SLC37A3: variants seen among roughly 807,000 people sequenced by gnomAD.
SLC37A3 encodes sugar phosphate exchanger 3.
SLC37A3 carries 51 observed loss-of-function variants against 67.1 expected under a neutral mutation model. The observed-to-expected ratio is 0.76, with a 90% CI of 0.61 to 0.96. SLC37A3 has a LOEUF of 0.96. Among genes scored for constraint, SLC37A3 ranks in the 40% least tolerant of loss-of-function variants. The probability of loss-of-function intolerance (pLI) is 0.00; values close to 1 mark genes in which losing one functional copy is unlikely to be tolerated. For synonymous variants in SLC37A3, 214 were observed against 231.4 expected, an observed-to-expected ratio of 0.92 and a Z score of 0.68; for missense variants, 508 against 603.0, an observed-to-expected ratio of 0.84 and a Z score of 1.65.
intron 7 of SLC37A3, among the ~76,000 whole-genome samples, chr7:140,354,083 AG>A (rs1272313051): frequency 4.6e-5 from 7 of 152,216 alleles, no homozygotes; most frequent in Non-Finnish European, 8.8e-5. Context: ...TCGACTTCAC[AG>A]GTGCACAGCA....
intron 1 of SLC37A3, among the ~76,000 whole-genome samples, chr7:140,387,736 C>CTATATATTATATAAATATAAATATATTA (rs1798527630): frequency 5.3e-4 from 1 of 1,876 alleles, no homozygotes; most frequent in Admixed American, 9.4e-3. Context: ...TATAAATATA[C>CTATATATTATATAAATATAAATATATTA]TATATATTAT....
chr7:140,394,100 G>A (rs1363322729), intron 1 of SLC37A3, among the ~76,000 whole-genome samples: 2 of 152,138 alleles, frequency 1.3e-5, no homozygotes, highest in Non-Finnish European at 2.9e-5. Flanking sequence ...GAACCCGGTA[G>A]GTGGAGACTG....
At chr7:140,342,751 G>A (rs1161423190) in intron 13 of SLC37A3, among the ~76,000 whole-genome samples, 1 of 151,180 alleles carries the variant, frequency 6.6e-6, no homozygotes, top group African/African-American at 2.5e-5. Flanking sequence ...TCAAACATCT[G>A]AGTGTGGAAG....
At chr7:140,391,816 G>A (rs1270293936) in intron 1 of SLC37A3, among the ~76,000 whole-genome samples, 6 of 152,090 alleles carry the variant, frequency 3.9e-5, no homozygotes, top group African/African-American at 1.4e-4. Context: ...TTAGCTCAAT[G>A]CAACCTTATT....
chr7:140,394,224 C>T (rs1216280694), intron 1 of SLC37A3, among the ~76,000 whole-genome samples: 1 of 151,822 alleles, frequency 6.6e-6, no homozygotes, highest in Non-Finnish European at 1.5e-5. Context: ...CAGCAGAACA[C>T]TGAATGCTTA....
At chr7:140,386,082 CTTATTTATTTAT>C (rs537844890) in intron 1 of SLC37A3, among the ~76,000 whole-genome samples, 1 of 151,710 alleles carries the variant, frequency 6.6e-6, no homozygotes, top group African/African-American at 2.4e-5. Context: ...CATGCCTGGC[CTTATTTATTTAT>C]TTATTTATTT....
intron 1 of SLC37A3, among the ~76,000 whole-genome samples, chr7:140,392,157 C>T (rs1246154938): frequency 6.6e-6 from 1 of 152,078 alleles, no homozygotes; most frequent in Non-Finnish European, 1.5e-5. Flanking sequence ...AGCATCTAAG[C>T]AGGAAGATAA....
chr7:140,360,445 A>G (rs768505354), intron 5 of SLC37A3, among the ~76,000 whole-genome samples: 3 of 152,154 alleles, frequency 2.0e-5, no homozygotes, highest in Non-Finnish European at 4.4e-5. Context: ...GATTAGTCAG[A>G]TATGGAGGCT....
intron 1 of SLC37A3, among the ~76,000 whole-genome samples, chr7:140,397,526 G>A (rs1467649309): frequency 2.0e-5 from 3 of 152,074 alleles, no homozygotes; most frequent in Non-Finnish European, 4.4e-5. Flanking sequence ...TTAATTAAAT[G>A]AGATAATTTA....
rs768876759 is a variant in SLC37A3 at position 140,355,762 on chromosome 7, C to A, written c.524G>T (p.Arg175Leu). The A allele has an allele frequency of 1.1e-5, 17 of 1,613,562 alleles. No homozygotes were observed. The highest frequency in any genetic ancestry group is 5.1e-6 in the Non-Finnish European group (6 of 1,179,748). Residue 175 changes from arginine (R) to leucine (L), a missense_variant and splice_region_variant, in exon 7 of 15, where the codon CGA (arginine) becomes CTA (leucine). By Grantham distance (102) the Arg-to-Leu change is moderately radical (BLOSUM62 -2). Coordinates refer to ENST00000326232, the MANE Select transcript of SLC37A3 (RefSeq NM_207113.3). ...VMGNWFGKAGRGVVFGLWSAC... is the reference protein window; with the variant it reads ...VMGNWFGKAGLGVVFGLWSAC... ...ACTCCAGAGACCAAAAACAACTCCT[C>A]GTCTAAGATGGAAAACAGTGGGAGA... is the stretch of plus-strand genomic sequence containing the variant.
At chr7:140,366,068 G>A (rs1471267911) in intron 4 of SLC37A3, among the ~76,000 whole-genome samples, 1 of 151,624 alleles carries the variant, frequency 6.6e-6, no homozygotes, top group Non-Finnish European at 1.5e-5. Context: ...CTCCCGAGTA[G>A]CTGGGACTAC....
chr7:140,375,821 A>G (rs1798010284), intron 3 of SLC37A3, among the ~76,000 whole-genome samples: 1 of 152,244 alleles, frequency 6.6e-6, no homozygotes, highest in Non-Finnish European at 1.5e-5. Context: ...GATGCATTCT[A>G]TCGAAGATGA....
chr7:140,398,320 C>T (rs925710587), intron 1 of SLC37A3, 96 bp downstream of exon 1: 69 of 152,400 alleles, frequency 4.5e-4, no homozygotes, highest in African/African-American at 1.6e-3. Context: ...CCGCCACCTA[C>T]ATCTCCCCAC....
intron 6 of SLC37A3, among the ~76,000 whole-genome samples, chr7:140,358,218 C>T (rs1304382558): frequency 6.6e-6 from 1 of 152,114 alleles, no homozygotes; most frequent in Non-Finnish European, 1.5e-5. Context: ...CATGAATAAC[C>T]TTTGACCTTA....
intron 4 of SLC37A3, among the ~76,000 whole-genome samples, chr7:140,366,420 A>T (rs1283342838): frequency 6.6e-6 from 1 of 152,022 alleles, no homozygotes; most frequent in Non-Finnish European, 1.5e-5. Flanking sequence ...GAATCAATAC[A>T]TTCTGTTTTG....
At chr7:140,394,191 G>T in intron 1 of SLC37A3, among the ~76,000 whole-genome samples, 1 of 151,248 alleles carries the variant, frequency 6.6e-6, no homozygotes, top group Middle Eastern at 3.4e-3. Context: ...GTTTTTTTTT[G>T]AATCAATGAA....
At chr7:140,393,193 A>G (rs1798789121) in intron 1 of SLC37A3, among the ~76,000 whole-genome samples, 1 of 152,172 alleles carries the variant, frequency 6.6e-6, no homozygotes, top group Non-Finnish European at 1.5e-5. Flanking sequence ...TCAGGGGCAC[A>G]ATCTGTGCCT....
chr7:140,381,323 A>G (rs915404143), intron 2 of SLC37A3, among the ~76,000 whole-genome samples: 1 of 151,044 alleles, frequency 6.6e-6, no homozygotes, highest in African/African-American at 2.4e-5. Flanking sequence ...AGACCAGCCT[A>G]GGCAACATAA....
intron 1 of SLC37A3, among the ~76,000 whole-genome samples, chr7:140,387,335 C>G (rs1798493115): frequency 6.6e-6 from 1 of 151,094 alleles, no homozygotes; most frequent in Non-Finnish European, 1.5e-5. Flanking sequence ...TTAGCCAGGT[C>G]GGGTGCAGTG....
Sources: gnomAD v4.1 joint callset for allele counts (sites outside exome capture counted in the v4.1 genomes callset) on GRCh38, gnomAD v4.1.1 for gene constraint, MANE v1.5 for transcripts, NCBI Gene and HGNC (gene_info 2026-07-23, HGNC 2026-07-21) for gene names.